The following PREX2 variants were observed in gnomAD, a reference collection of about 807,000 sequenced individuals.
PREX2 encodes phosphatidylinositol-3,4,5-trisphosphate dependent Rac exchange factor 2, also known as phosphatidylinositol 3,4,5-trisphosphate-dependent Rac exchanger 2 protein.
In PREX2, 107 loss-of-function variants were observed where a neutral mutation model predicts 203.2. The ratio of observed to expected loss-of-function variants is 0.53; its 90% CI spans 0.45 to 0.62. The LOEUF (loss-of-function observed/expected upper bound fraction) is 0.62. Among genes scored for constraint, PREX2 ranks in the 20% least tolerant of loss-of-function variants. The pLI is 0.00. For synonymous variants in PREX2, 672 were observed against 663.6 expected (o/e 1.01, Z -0.19); for missense variants, 1,777 against 1,955.9 (o/e 0.91, Z 1.72).
At chr8:68,041,598 A>C (rs1293472105) in intron 7 of PREX2, among the ~76,000 whole-genome samples, 1 of 152,138 alleles carries the variant, frequency 6.6e-6, no homozygotes, top group Non-Finnish European at 1.5e-5. Flanking sequence ...ACCACATGTG[A>C]AAATGAATCT....
At chr8:68,171,140 G>A (rs2129614230) in intron 35 of PREX2, among the ~76,000 whole-genome samples, 1 of 152,226 alleles carries the variant, frequency 6.6e-6, no homozygotes, top group South Asian at 2.1e-4. Context: ...AATTTTGGGG[G>A]CTTATGATTT....
At chr8:68,031,861 G>T (rs1443230154) in intron 6 of PREX2, among the ~76,000 whole-genome samples, 8 of 152,164 alleles carry the variant, frequency 5.3e-5, no homozygotes, top group African/African-American at 1.9e-4. Context: ...AACACTGGAA[G>T]AAAAACCGAA....
intron 13 of PREX2, among the ~76,000 whole-genome samples, chr8:68,070,787 T>C (rs1480119720): frequency 1.3e-5 from 2 of 152,142 alleles, no homozygotes; most frequent in East Asian, 1.9e-4. Flanking sequence ...ATTGCAGATA[T>C]TGCTAAGTAT....
intron 1 of PREX2, among the ~76,000 whole-genome samples, chr8:67,965,535 A>C (rs1349059730): frequency 6.6e-6 from 1 of 151,924 alleles, no homozygotes; most frequent in Non-Finnish European, 1.5e-5. Context: ...ATATGTGTAT[A>C]TGTATATATA....
At chr8:68,147,179 A>C (rs1343374958) in intron 34 of PREX2, among the ~76,000 whole-genome samples, 2 of 152,168 alleles carry the variant, frequency 1.3e-5, no homozygotes, top group Admixed American at 6.6e-5. Flanking sequence ...CAAGAACTAC[A>C]TTGGTTTTGC....
intron 21 of PREX2, among the ~76,000 whole-genome samples, chr8:68,094,002 G>A (rs1714390841): frequency 6.6e-6 from 1 of 152,144 alleles, no homozygotes; most frequent in African/African-American, 2.4e-5. Flanking sequence ...TTTTTGAGTG[G>A]AGAAAACACT....
rs1812059140 is a variant in PREX2, at chr8:68,180,274, A to C, written c.4347-11448A>C. Among the ~76,000 whole-genome samples, 5 of 152,084 alleles carry C rather than the reference A, an allele frequency of 3.3e-5. No individual in the cohort carries two copies. In the South Asian group the frequency reaches 1.0e-3, roughly 32 times the overall value. On this transcript the variant is annotated intron_variant, in intron 35 of 39. Coordinates refer to ENST00000288368, the MANE Select transcript of PREX2 (RefSeq NM_024870.4). ...CCTTGTCCTAGTGTGTTTTTCCAGC[A>C]CTCTGCTAAACCTTTGTAGATCACT...
Position 68,086,384 on chromosome 8 carries a change from T to C in PREX2, c.2028-1340T>C, listed in dbSNP as rs111459120. 5.3e-5 allele frequency among the ~76,000 whole-genome samples: 8 copies of C among 152,216 alleles called. 1 individual carries two copies. Among genetic ancestry groups the C allele is most frequent in the African/African-American group, 1.9e-4 (8 of 41,538 alleles). ...TTTTGCTCAAACTCTCCCACAGCAA[T>C]TTCATAAACTGCAGATAAGTCCTGC... On this transcript the variant is annotated intron_variant, in intron 18 of 39. Coordinates refer to ENST00000288368, the MANE Select transcript of PREX2 (RefSeq NM_024870.4).
intron 22 of PREX2, among the ~76,000 whole-genome samples, chr8:68,098,543 C>T (rs1810158249): frequency 6.6e-6 from 1 of 151,918 alleles, no homozygotes; most frequent in African/African-American, 2.4e-5. Context: ...TCATGGGATC[C>T]ATGTAAAAGT....
At chr8:68,199,766 A>G (rs2129614863) in intron 37 of PREX2, among the ~76,000 whole-genome samples, 1 of 152,314 alleles carries the variant, frequency 6.6e-6, no homozygotes, top group African/African-American at 2.4e-5. Flanking sequence ...CTTTCTTTGT[A>G]ATACTTTACT....
intron 35 of PREX2, among the ~76,000 whole-genome samples, chr8:68,183,466 G>A (rs1425381213): frequency 1.3e-5 from 2 of 152,086 alleles, no homozygotes; most frequent in African/African-American, 4.8e-5. Flanking sequence ...GAAAGGATTT[G>A]CTTCTTTTCC....
intron 14 of PREX2, among the ~76,000 whole-genome samples, chr8:68,076,865 G>A (rs1447794599): frequency 6.6e-6 from 1 of 151,786 alleles, no homozygotes; most frequent in Non-Finnish European, 1.5e-5. Context: ...GCAAAATAAT[G>A]AAAGAGAAGC....
At chr8:67,995,096 G>T (rs571801110) in intron 1 of PREX2, among the ~76,000 whole-genome samples, 12 of 151,804 alleles carry the variant, frequency 7.9e-5, no homozygotes, top group Non-Finnish European at 1.6e-4. Context: ...ACTACATGGT[G>T]TACCTTTATA....
chr8:68,041,049 T>TA (rs1356005594), intron 7 of PREX2, among the ~76,000 whole-genome samples: 2 of 152,188 alleles, frequency 1.3e-5, no homozygotes, highest in Non-Finnish European at 2.9e-5. Context: ...TAGAGTGACA[T>TA]TTAATTGAGA....
intron 5 of PREX2, among the ~76,000 whole-genome samples, chr8:68,029,404 A>G (rs896260111): frequency 6.6e-6 from 1 of 152,078 alleles, no homozygotes; most frequent in Non-Finnish European, 1.5e-5. Context: ...TGCATGTCTC[A>G]CTTATGGATT....
chr8:68,090,146 T>C (rs891722967), intron 19 of PREX2, among the ~76,000 whole-genome samples: 2 of 152,208 alleles, frequency 1.3e-5, no homozygotes, highest in African/African-American at 4.8e-5. Flanking sequence ...TTTATGTGCA[T>C]GTTAAATTGT....
At chr8:68,172,731 TAAAGGGG>T (rs1311093648) in intron 35 of PREX2, among the ~76,000 whole-genome samples, 2 of 152,234 alleles carry the variant, frequency 1.3e-5, no homozygotes, top group Non-Finnish European at 2.9e-5. Context: ...GGGAAAATCC[TAAAGGGG>T]AAAGGAGAAA....
At position 68,133,278 on chromosome 8, in the gene PREX2, C is replaced by T. The variant is rs577266902; in HGVS notation, c.3767-781C>T. ...CCCCATAATCCAATCACTTTCCGCC[C>T]GGTCTCTTCCTCAACACCTGGGGAT... On this transcript the variant is annotated intron_variant, in intron 31 of 39. Coordinates refer to ENST00000288368, the MANE Select transcript of PREX2 (RefSeq NM_024870.4). 5.9e-5 allele frequency among the ~76,000 whole-genome samples: 9 copies of T among 152,206 alleles called. No individual in the cohort carries two copies. In the South Asian group the frequency reaches 1.2e-3, roughly 21 times the overall value.
intron 1 of PREX2, among the ~76,000 whole-genome samples, chr8:68,001,968 G>A (rs1165958237): frequency 1.3e-5 from 2 of 151,762 alleles, no homozygotes; most frequent in Non-Finnish European, 2.9e-5. Context: ...GGAGGAAGAG[G>A]GGCAGAAAAA....
Sources: gnomAD v4.1 joint callset for allele counts (sites outside exome capture counted in the v4.1 genomes callset) on GRCh38, gnomAD v4.1.1 for gene constraint, MANE v1.5 for transcripts, NCBI Gene and HGNC (gene_info 2026-07-23, HGNC 2026-07-21) for gene names.